Variants in RNF150 observed in about 807,000 individuals in gnomAD.
RNF150 encodes the protein ring finger protein 150.
A neutral mutation model predicts 39.3 loss-of-function variants in RNF150; 24 were observed. The observed-to-expected ratio is 0.61, with a 90% CI of 0.44 to 0.86. The LOEUF (loss-of-function observed/expected upper bound fraction) is 0.86, where lower values mean the gene tolerates loss of function less well. Ranked by LOEUF, RNF150 falls within the 40% of genes least tolerant of loss-of-function variation. The pLI is 0.00. For synonymous variants in RNF150, 255 were observed against 227.3 expected, an observed-to-expected ratio of 1.12 and a Z score of -1.10; for missense variants, 502 against 587.8, an observed-to-expected ratio of 0.85 and a Z score of 1.51.
intron 1 of RNF150, among the ~76,000 whole-genome samples, chr4:141,053,080 G>A (rs1173192909): frequency 6.6e-6 from 1 of 152,090 alleles, no homozygotes; most frequent in African/African-American, 2.4e-5. Context: ...TAAATGAAAA[G>A]TGTTTAAATT....
chr4:140,911,869 C>T (rs1730620458), intron 5 of RNF150, among the ~76,000 whole-genome samples: 1 of 152,124 alleles, frequency 6.6e-6, no homozygotes, highest in African/African-American at 2.4e-5. Flanking sequence ...CAAACACACA[C>T]AGAGCACAGG....
intron 6 of RNF150, among the ~76,000 whole-genome samples, chr4:140,870,863 A>AG: frequency 6.6e-6 from 1 of 152,028 alleles, no homozygotes; most frequent in South Asian, 2.1e-4. Context: ...TCTTTAAAAA[A>AG]AAAATCCCTT....
chr4:140,917,552 G>A (rs1444898520), intron 5 of RNF150, among the ~76,000 whole-genome samples: 3 of 152,114 alleles, frequency 2.0e-5, no homozygotes, highest in Non-Finnish European at 4.4e-5. Flanking sequence ...AGTCCTTAGT[G>A]ACCTACAAAG....
chr4:141,058,756 C>A (rs780882144), intron 1 of RNF150, among the ~76,000 whole-genome samples: 9 of 152,234 alleles, frequency 5.9e-5, no homozygotes, highest in Middle Eastern at 3.4e-3. Context: ...GCTTGCTGTA[C>A]AATCATTTAC....
rs551777188 is a variant in RNF150 at position 141,180,202 on chromosome 4, C to T, written c.-6+32592G>A. Among the ~76,000 whole-genome samples the T allele has an allele frequency of 7.2e-5, 11 of 152,288 alleles. No individual in the cohort carries two copies. The South Asian group carries it at 2.3e-3, about 32-fold the overall frequency. On this transcript the variant is annotated intron_variant, in intron 1 of 7. Coordinates refer to the RNF150 transcript ENST00000420921. The stretch of plus-strand genomic sequence containing the variant: ...ATTGGTGTCTCTGATTCTCATGGTT[C>T]TTCCCACGTGGCTGTTGGAGCACAA...
At chr4:141,209,441 C>T (rs190410021) in intron 1 of RNF150, among the ~76,000 whole-genome samples, 2 of 152,204 alleles carry the variant, frequency 1.3e-5, no homozygotes, top group African/African-American at 4.8e-5. Context: ...AGCTGATTTG[C>T]AGTCTTTTTC....
chr4:141,137,732 C>T (rs1193110176), upstream of RNF150, among the ~76,000 whole-genome samples: 3 of 152,100 alleles, frequency 2.0e-5, no homozygotes, highest in Non-Finnish European at 2.9e-5. Flanking sequence ...TTTAAGTTAT[C>T]GACACATACA....
At chr4:141,020,056 C>T (rs1735432324) in intron 1 of RNF150, among the ~76,000 whole-genome samples, 1 of 151,978 alleles carries the variant, frequency 6.6e-6, no homozygotes, top group Non-Finnish European at 1.5e-5. Flanking sequence ...CCACACAGCA[C>T]TCTCTTCTCA....
intron 1 of RNF150, among the ~76,000 whole-genome samples, chr4:141,200,424 C>T (rs1223821177): frequency 6.6e-6 from 1 of 151,972 alleles, no homozygotes; most frequent in Non-Finnish European, 1.5e-5. Flanking sequence ...AAAGACTCCA[C>T]CTCCTAATAC....
In RNF150 at chr4:140,955,077, A is replaced by C. The variant is rs141978243; in HGVS notation, c.736-5705T>G. ...AACAGAGTTGGTCCCAGTTGTCTAA[A>C]ACCTCACATGGTCAAGAGTGACTGA... On this transcript the variant is annotated intron_variant, in intron 2 of 6. Transcript: ENST00000515673. Among the ~76,000 whole-genome samples, 909 of 152,306 alleles carry C rather than the reference A, an allele frequency of 6.0e-3. 6 individuals are homozygous for C. Among genetic ancestry groups the C allele is most frequent in the African/African-American group, 0.021 (868 of 41,566 alleles).
chr4:140,942,964 T>C (rs1219050707), intron 4 of RNF150, among the ~76,000 whole-genome samples: 8 of 152,158 alleles, frequency 5.3e-5, no homozygotes, highest in Admixed American at 2.0e-4. Context: ...GAGAAGCTGC[T>C]TTTCTCTGTC....
chr4:141,100,419 A>T (rs1738964408), intron 1 of RNF150, among the ~76,000 whole-genome samples: 1 of 152,224 alleles, frequency 6.6e-6, no homozygotes, highest in Non-Finnish European at 1.5e-5. Context: ...ACCACATCCA[A>T]GTGACAGTAA....
intron 1 of RNF150, among the ~76,000 whole-genome samples, chr4:141,186,622 G>C (rs1728017754): frequency 6.6e-6 from 1 of 151,452 alleles, no homozygotes; most frequent in South Asian, 2.1e-4. Flanking sequence ...AGCCAGGATG[G>C]TCTCGATCTC....
At chr4:140,869,208 C>T (rs1313191729) in intron 6 of RNF150, among the ~76,000 whole-genome samples, 1 of 152,138 alleles carries the variant, frequency 6.6e-6, no homozygotes, top group East Asian at 1.9e-4. Context: ...GTTGTTATAA[C>T]CATTAAAATG....
chr4:140,913,457 T>C (rs1578957960), intron 5 of RNF150, among the ~76,000 whole-genome samples: 1 of 152,158 alleles, frequency 6.6e-6, no homozygotes, highest in Non-Finnish European at 1.5e-5. Flanking sequence ...GTAGCTTATA[T>C]TGTCCCTGTG....
At chr4:141,139,915 T>A (rs1219259174) in intron 1 of RNF150, among the ~76,000 whole-genome samples, 1 of 152,238 alleles carries the variant, frequency 6.6e-6, no homozygotes, top group Non-Finnish European at 1.5e-5. Flanking sequence ...ATCTTGTTCA[T>A]TAACTTGACT....
At chr4:141,065,662 G>A (rs780605746) in intron 1 of RNF150, among the ~76,000 whole-genome samples, 54 of 151,976 alleles carry the variant, frequency 3.6e-4, no homozygotes, top group Non-Finnish European at 5.9e-4. Context: ...GAAATTCATC[G>A]TAATTTTTAA....
chr4:141,070,535 G>T (rs1379953691), intron 1 of RNF150, among the ~76,000 whole-genome samples: 1 of 148,852 alleles, frequency 6.7e-6, no homozygotes, highest in Non-Finnish European at 1.5e-5. Flanking sequence ...AAATTTACAA[G>T]AAAAAAACAA....
chr4:140,866,178 C>A lies in RNF150; in HGVS notation c.*2083G>T, dbSNP rs1728701320. On this transcript the variant is annotated 3_prime_UTR_variant, in exon 7 of 7. Transcript: ENST00000515673. ...TCAGCACCATAGTTGTGCCAAGTCT[C>A]AAAGGCTGTTATTACATGATACATG... 6.6e-6 allele frequency: 1 copy of A among 152,224 alleles called. No homozygotes were observed. Among genetic ancestry groups the A allele is most frequent in the African/African-American group, 2.4e-5 (1 of 41,454 alleles). The allele number at this position is 152,224 out of a possible 1,614,324, so 9.4% of individuals were successfully genotyped here.
Sources: gnomAD v4.1 joint callset for allele counts (sites outside exome capture counted in the v4.1 genomes callset) on GRCh38, gnomAD v4.1.1 for gene constraint, MANE v1.5 for transcripts, NCBI Gene and HGNC (gene_info 2026-07-23, HGNC 2026-07-21) for gene names.